The following RGS6 variants were observed in gnomAD, a reference collection of about 807,000 sequenced individuals.
The protein encoded by RGS6 is regulator of G protein signaling 6.
RGS6 carries 30 observed loss-of-function variants against 78.5 expected under a neutral mutation model. The observed-to-expected ratio is 0.38, with a 90% CI of 0.29 to 0.52. RGS6 has a LOEUF of 0.52. Ranked by LOEUF, RGS6 falls within the 20% of genes least tolerant of loss-of-function variation. The probability of loss-of-function intolerance (pLI) is 0.85; values close to 1 mark genes in which losing one functional copy is unlikely to be tolerated. For synonymous variants in RGS6, 206 were observed against 206.0 expected, an observed-to-expected ratio of 1.00 and a Z score of 0.00; for missense variants, 495 against 609.7, an observed-to-expected ratio of 0.81 and a Z score of 1.98.
At chr14:72,553,678 TCTC>T (rs765825017) in intron 17 of RGS6, among the ~76,000 whole-genome samples, 7 of 152,110 alleles carry the variant, frequency 4.6e-5, no homozygotes, top group African/African-American at 1.7e-4. Context: ...GTAACTCTCT[TCTC>T]CTAGTCCCAT....
At position 72,511,408 on chromosome 14, in the gene RGS6, A is replaced by G. The variant is rs543574646; in HGVS notation, c.1091+1129A>G. ...GTCAATCAAGTGATATTTATGCTAC[A>G]CCTGTGCTGTATCAAGCCCTGTGAG... On this transcript the variant is annotated intron_variant, in intron 14 of 17. Coordinates refer to ENST00000553525, the MANE Select transcript of RGS6 (RefSeq NM_001204424.2). 3.3e-5 allele frequency among the ~76,000 whole-genome samples: 5 copies of G among 152,346 alleles called. No individual in the cohort carries two copies. In the South Asian group the frequency reaches 1.0e-3, roughly 32 times the overall value.
At chr14:71,936,195 G>A (rs917128704) in intron 1 of RGS6, among the ~76,000 whole-genome samples, 3 of 151,618 alleles carry the variant, frequency 2.0e-5, no homozygotes, top group Non-Finnish European at 4.4e-5. Flanking sequence ...CTGGCTGTAA[G>A]CTGAGGAGCA....
chr14:72,131,833 T>C (rs1043422196), intron 2 of RGS6, among the ~76,000 whole-genome samples: 2 of 152,220 alleles, frequency 1.3e-5, no homozygotes, highest in African/African-American at 4.8e-5. Context: ...GTTCAATAGA[T>C]TTGAGATAAT....
At chr14:71,900,936 T>A in the RGS6 span, among the ~76,000 whole-genome samples, 1 of 151,872 alleles carries the variant, frequency 6.6e-6, no homozygotes, top group African/African-American at 2.4e-5. Context: ...AAAGGAGAGA[T>A]CCTAGACTCT....
intron 3 of RGS6, among the ~76,000 whole-genome samples, chr14:72,374,895 T>C (rs1278880242): frequency 2.0e-5 from 3 of 152,172 alleles, no homozygotes; most frequent in Non-Finnish European, 2.9e-5. Flanking sequence ...GGATTAAGGA[T>C]TCTCAAAAAG....
intron 2 of RGS6, among the ~76,000 whole-genome samples, chr14:72,057,338 A>G (rs1216991890): frequency 1.3e-5 from 2 of 148,386 alleles, no homozygotes; most frequent in South Asian, 2.2e-4. Context: ...AAAAAAAAAA[A>G]AAGAATGTTT....
At chr14:72,399,281 A>T (rs545214076) in intron 3 of RGS6, among the ~76,000 whole-genome samples, 33 of 152,114 alleles carry the variant, frequency 2.2e-4, no homozygotes, top group Admixed American at 3.3e-4. Context: ...CTTTACCATT[A>T]TGTAATGGCC....
chr14:72,086,769 C>T (rs1308697319), intron 2 of RGS6, among the ~76,000 whole-genome samples: 1 of 152,188 alleles, frequency 6.6e-6, no homozygotes, highest in Non-Finnish European at 1.5e-5. Context: ...TAACTAGTTC[C>T]TTTGCAAGTA....
intron 2 of RGS6, among the ~76,000 whole-genome samples, chr14:72,316,817 C>T (rs1274183722): frequency 1.3e-5 from 2 of 151,746 alleles, no homozygotes; most frequent in Non-Finnish European, 2.9e-5. Flanking sequence ...ATCAGTAAAC[C>T]TGAACTTCTC....
At chr14:72,578,102 A>C in the RGS6 span, among the ~76,000 whole-genome samples, 1 of 152,202 alleles carries the variant, frequency 6.6e-6, no homozygotes, top group East Asian at 1.9e-4. Context: ...TTTAACCAAG[A>C]ATGCAAACAG....
Position 72,538,429 on chromosome 14 carries a change from G to C in RGS6, c.1369-1612G>C, listed in dbSNP as rs183722202. ...ACACTGAAGAATCAGGTTCTCAGGGGGTAGGTGAGCTGAGTCCTGAGGGCT... is the reference window on the plus strand; with the variant it reads ...ACACTGAAGAATCAGGTTCTCAGGGCGTAGGTGAGCTGAGTCCTGAGGGCT... On this transcript the variant is annotated intron_variant, in intron 16 of 17. Coordinates refer to ENST00000553525, the MANE Select transcript of RGS6 (RefSeq NM_001204424.2). 2.0e-3 allele frequency among the ~76,000 whole-genome samples: 306 copies of C among 152,312 alleles called. 9 individuals carry two copies. Among genetic ancestry groups the C allele is most frequent in the Admixed American group, 0.017 (262 of 15,302 alleles).
intron 2 of RGS6, among the ~76,000 whole-genome samples, chr14:72,267,571 T>G (rs1029763631): frequency 4.6e-5 from 7 of 152,228 alleles, no homozygotes; most frequent in Admixed American, 4.6e-4. Flanking sequence ...GGCTCAGAGT[T>G]ACAGCAAAGA....
chr14:71,977,058 G>A lies in RGS6; in HGVS notation c.84+12183G>A, dbSNP rs200590609. 1.7e-4 allele frequency among the ~76,000 whole-genome samples: 20 copies of A among 120,028 alleles called. 3 individuals carry two copies. The highest frequency in any genetic ancestry group is 8.3e-4 in the Admixed American group (10 of 12,074). The allele number at this position is 120,028 out of a possible 152,430, so 78.7% of individuals were successfully genotyped here. A position where few individuals can be genotyped will look rare whatever the true frequency, so the allele number is the denominator to read the frequency against. On this transcript the variant is annotated intron_variant, in intron 2 of 17. Transcript: ENST00000553525. ...TGTGTCTTTTGGCTGCATAAATGTC[G>A]TCTTTTGAGAAGTGTCTGTTCATGT... is the stretch of plus-strand genomic sequence containing the variant.
intron 2 of RGS6, among the ~76,000 whole-genome samples, chr14:72,216,939 T>C (rs2045726482): frequency 6.6e-6 from 1 of 152,202 alleles, no homozygotes; most frequent in Non-Finnish European, 1.5e-5. Flanking sequence ...GAAATAACTT[T>C]GACCTTTTGG....
intron 2 of RGS6, chr14:71,990,833 A>T (rs1158463004): frequency 2.2e-6 from 1 of 456,074 alleles, no homozygotes; most frequent in Admixed American, 2.3e-5. Flanking sequence ...CCACAAACAT[A>T]ACAGGTAGAA....
At chr14:72,468,375 CAAA>C in intron 7 of RGS6, among the ~76,000 whole-genome samples, 1 of 132,544 alleles carries the variant, frequency 7.5e-6, no homozygotes, top group East Asian at 2.1e-4. Context: ...GACTCCGTCT[CAAA>C]AAAAAAAAAA....
At chr14:71,869,437 T>TTTGCC in the RGS6 span, among the ~76,000 whole-genome samples, 10 of 152,320 alleles carry the variant, frequency 6.6e-5, no homozygotes, top group East Asian at 1.9e-3. Flanking sequence ...GAGACCATCC[T>TTTGCC]TTGCCTTGCA....
intron 2 of RGS6, among the ~76,000 whole-genome samples, chr14:72,159,369 T>C (rs980786307): frequency 6.6e-6 from 1 of 152,092 alleles, no homozygotes; most frequent in Non-Finnish European, 1.5e-5. Context: ...GGGTAGGCGC[T>C]CCAAAGAGTA....
chr14:71,948,910 A>C (rs1450578061), intron 1 of RGS6, among the ~76,000 whole-genome samples: 1 of 151,650 alleles, frequency 6.6e-6, no homozygotes, highest in Non-Finnish European at 1.5e-5. Flanking sequence ...AAATGAAATA[A>C]ATATGAAATC....
Sources: gnomAD v4.1 joint callset for allele counts (sites outside exome capture counted in the v4.1 genomes callset) on GRCh38, gnomAD v4.1.1 for gene constraint, MANE v1.5 for transcripts, NCBI Gene and HGNC (gene_info 2026-07-23, HGNC 2026-07-21) for gene names.